LAMA2: variants seen among roughly 807,000 people sequenced by gnomAD.
LAMA2 encodes the protein laminin subunit alpha-2.
LAMA2 carries 269 observed loss-of-function variants against 364.8 expected under a neutral mutation model. The observed-to-expected ratio is 0.74, with a 90% confidence interval of 0.67 to 0.82. The LOEUF (loss-of-function observed/expected upper bound fraction) is 0.82. Ranked by LOEUF, LAMA2 falls within the 40% of genes least tolerant of loss-of-function variation. The pLI is 0.00. For missense variants in LAMA2, 3,807 were observed against 3,873.2 expected (o/e 0.98, Z 0.45); for synonymous variants, 1,379 against 1,370.6 (o/e 1.01, Z -0.14).
chr6:129,481,156 T>C, intron 54 of LAMA2, 107 bp from the exon 55 acceptor site: 2 of 849,800 alleles, frequency 2.4e-6, no homozygotes, highest in South Asian at 1.4e-5. Context: ...AAACCTATGA[T>C]GTATTTCATA....
chr6:129,099,471 G>T (rs562658979), intron 4 of LAMA2, among the ~76,000 whole-genome samples: 1 of 151,968 alleles, frequency 6.6e-6, no homozygotes, highest in Admixed American at 6.6e-5. Context: ...TCCCTGACTT[G>T]TCTCCCTTTA....
chr6:129,154,850 A>G (rs1779014079), intron 8 of LAMA2, among the ~76,000 whole-genome samples, 167 bp downstream of exon 8: 1 of 152,210 alleles, frequency 6.6e-6, no homozygotes, highest in Non-Finnish European at 1.5e-5. Flanking sequence ...ATCTTTGAGG[A>G]TGTAAGATAA....
chr6:129,243,658 T>C (rs1019267399), intron 12 of LAMA2, among the ~76,000 whole-genome samples: 3 of 152,040 alleles, frequency 2.0e-5, no homozygotes, highest in African/African-American at 7.2e-5. Flanking sequence ...CTTTTTATAC[T>C]TCTGCAATTT....
chr6:129,052,275 G>A (rs558350493), intron 2 of LAMA2, among the ~76,000 whole-genome samples: 56 of 150,338 alleles, frequency 3.7e-4, no homozygotes, highest in African/African-American at 1.2e-3. Flanking sequence ...AGCTGGGACT[G>A]CAGGCGCACG....
At chr6:128,992,228 C>T (rs1783653783) in intron 1 of LAMA2, among the ~76,000 whole-genome samples, 1 of 152,130 alleles carries the variant, frequency 6.6e-6, no homozygotes, top group Non-Finnish European at 1.5e-5. Context: ...AACTGATCAC[C>T]CAGTATCAAC....
chr6:129,341,654 C>A (rs1776274681), intron 29 of LAMA2, among the ~76,000 whole-genome samples: 1 of 152,124 alleles, frequency 6.6e-6, no homozygotes, highest in Non-Finnish European at 1.5e-5. Context: ...CTCCTTATTG[C>A]ATAATTGATT....
chr6:128,951,087 T>A (rs1042529783), intron 1 of LAMA2, among the ~76,000 whole-genome samples: 2 of 152,114 alleles, frequency 1.3e-5, no homozygotes, highest in Non-Finnish European at 2.9e-5. Flanking sequence ...TCAACAATAA[T>A]GTGATTGTAT....
intron 16 of LAMA2, among the ~76,000 whole-genome samples, chr6:129,269,705 T>A (rs1014393105): frequency 6.6e-6 from 1 of 152,096 alleles, no homozygotes; most frequent in African/African-American, 2.4e-5. Context: ...AACAAGCAAT[T>A]CTTCAGTAAT....
At chr6:129,315,693 T>G in intron 25 of LAMA2, 38 bp downstream of exon 25, 1 of 1,611,504 alleles carries the variant, frequency 6.2e-7, no homozygotes. Flanking sequence ...GAGAACAAGA[T>G]AAAATCTTTT....
intron 1 of LAMA2, among the ~76,000 whole-genome samples, chr6:128,981,047 A>T (rs916500592): frequency 6.6e-6 from 1 of 152,146 alleles, no homozygotes; most frequent in Non-Finnish European, 1.5e-5. Context: ...TACTTGGTGA[A>T]GGACATTCTA....
rs148521224 is a variant in LAMA2 at position 128,968,859 on chromosome 6, G to A, written c.113-81059G>A. On this transcript the variant is annotated intron_variant, in intron 1 of 64. Transcript: ENST00000421865. ...CAGATCACGTGGGACCTTGTGCTTC[G>A]TTTGAATTTTATTCTAAATGTTGGG... Among the ~76,000 whole-genome samples the A allele has an allele frequency of 3.9e-3, 593 of 152,178 alleles. 5 individuals are homozygous for A. Among genetic ancestry groups the A allele is most frequent in the African/African-American group, 0.013 (559 of 41,492 alleles).
At chr6:128,988,870 A>G (rs531619633) in intron 1 of LAMA2, among the ~76,000 whole-genome samples, 2 of 152,216 alleles carry the variant, frequency 1.3e-5, no homozygotes, top group South Asian at 4.1e-4. Flanking sequence ...CTGAATAAAT[A>G]TGAAATTATT....
At chr6:129,161,562 A>T (rs1053130647) in intron 8 of LAMA2, among the ~76,000 whole-genome samples, 7 of 152,150 alleles carry the variant, frequency 4.6e-5, no homozygotes, top group Admixed American at 3.3e-4. Flanking sequence ...TTCAGGTAGT[A>T]CATGGGTAAA....
At chr6:129,030,735 C>T (rs1467525874) in intron 1 of LAMA2, among the ~76,000 whole-genome samples, 1 of 151,960 alleles carries the variant, frequency 6.6e-6, no homozygotes, top group Non-Finnish European at 1.5e-5. Flanking sequence ...CAAATATTTT[C>T]CATGAAGAAG....
intron 1 of LAMA2, among the ~76,000 whole-genome samples, chr6:129,031,532 T>C (rs1452460382): frequency 6.6e-6 from 1 of 152,226 alleles, no homozygotes; most frequent in Non-Finnish European, 1.5e-5. Context: ...AGAAATGTTT[T>C]GTTTATTTTC....
rs751053800 is a variant in LAMA2 at position 129,349,338 on chromosome 6, C to G, written c.4477C>G (p.Arg1493Gly). 1.5e-5 allele frequency: 24 copies of G among 1,613,574 alleles called. No individual in the cohort carries two copies. Among genetic ancestry groups the G allele is most frequent in the Admixed American group, 3.3e-5 (2 of 59,980 alleles). Residue 1493 changes from arginine (R) to glycine (G), a missense_variant, in exon 31 of 65, where the codon CGC becomes GGC. By Grantham distance (125) the Arg-to-Gly change is moderately radical. Transcript: ENST00000421865. ...SCVAEGLDDYRCTACPRGYEG... is the reference protein window; with the variant it reads ...SCVAEGLDDYGCTACPRGYEG... ...TGTCGCAGAAGGACTTGACGACTAC[C>G]GCTGCACGGCTTGTCCACGGGGATA... is the stretch of plus-strand genomic sequence containing the variant.
intron 40 of LAMA2, among the ~76,000 whole-genome samples, chr6:129,411,308 G>A (rs1454864072): frequency 6.6e-6 from 1 of 152,070 alleles, no homozygotes; most frequent in Non-Finnish European, 1.5e-5. Flanking sequence ...CCTTTCTTAG[G>A]CATTTCTAGG....
intron 42 of LAMA2, among the ~76,000 whole-genome samples, chr6:129,439,344 C>T: frequency 6.6e-6 from 1 of 151,980 alleles, no homozygotes; most frequent in East Asian, 1.9e-4. Flanking sequence ...TTTACAGATA[C>T]AGAGCCCACT....
chr6:129,355,391 G>A (rs540859479), intron 32 of LAMA2, among the ~76,000 whole-genome samples: 1 of 152,134 alleles, frequency 6.6e-6, no homozygotes, highest in East Asian at 1.9e-4. Context: ...CCCAGGATTC[G>A]GTTTCTACTT....
Sources: allele counts gnomAD v4.1 joint callset (sites outside exome capture counted in the v4.1 genomes callset), GRCh38; gene constraint gnomAD v4.1.1; transcripts MANE v1.5; gene names NCBI Gene and HGNC (gene_info 2026-07-23, HGNC 2026-07-21).